The following SPSB4 variants were observed in gnomAD, a reference collection of about 807,000 sequenced individuals.
SPSB4 encodes the protein SPRY domain-containing SOCS box protein 4.
SPSB4 carries 21 observed loss-of-function variants against 20.9 expected under a neutral mutation model. The observed-to-expected ratio is 1.01, with a 90% CI of 0.71 to 1.45. The LOEUF is 1.45. Ranked by LOEUF, SPSB4 falls within the 40% of genes most tolerant of loss-of-function variation. The pLI is 0.00. For synonymous variants in SPSB4, 207 were observed against 183.8 expected, an observed-to-expected ratio of 1.13 and a Z score of -1.02; for missense variants, 399 against 399.2, an observed-to-expected ratio of 1.00 and a Z score of 0.00.
chr3:141,067,448 G>A (rs1937909224), intron 2 of SPSB4, among the ~76,000 whole-genome samples: 1 of 152,162 alleles, frequency 6.6e-6, no homozygotes, highest in Admixed American at 6.5e-5. Flanking sequence ...AGAGAGCCCA[G>A]AAATCTAGCT....
intron 2 of SPSB4, among the ~76,000 whole-genome samples, chr3:141,126,006 T>G (rs1939044457): frequency 6.6e-6 from 1 of 152,086 alleles, no homozygotes. Flanking sequence ...GCAGACAGGT[T>G]TGAAAGACCT....
chr3:141,104,841 C>T (rs141986039), intron 2 of SPSB4, among the ~76,000 whole-genome samples: 3 of 152,300 alleles, frequency 2.0e-5, no homozygotes, highest in East Asian at 1.9e-4. Flanking sequence ...ACAGAATTTG[C>T]GCCGTTAGAG....
chr3:141,125,233 A>T (rs958266828), intron 2 of SPSB4, among the ~76,000 whole-genome samples: 4 of 152,150 alleles, frequency 2.6e-5, no homozygotes, highest in African/African-American at 9.7e-5. Flanking sequence ...CACAGGTATG[A>T]CTTTGGTTGT....
rs1937702716 is a variant in SPSB4 at position 141,058,609 on chromosome 3, T to G, written c.-154+6617T>G. Among the ~76,000 whole-genome samples, 3 of 152,242 alleles carry G rather than the reference T, an allele frequency of 2.0e-5. No individual in the cohort carries two copies. The South Asian group carries it at 6.2e-4, about 32-fold the overall frequency. On this transcript the variant is annotated intron_variant, in intron 1 of 2. Transcript: ENST00000310546. ...AGTGGAGATGAGGAGAGGAGAAATG[T>G]GCTAAGTGCCCACTCCCTCTGGCTG...
chr3:141,077,202 AATG>A (rs1206653317), intron 2 of SPSB4: 4 of 152,252 alleles, frequency 2.6e-5, no homozygotes, highest in Middle Eastern at 3.4e-3. Flanking sequence ...GTGCCTCCTT[AATG>A]AGTTATTTGC....
At chr3:141,053,539 T>G (rs1279303643) in intron 1 of SPSB4, among the ~76,000 whole-genome samples, 1 of 152,162 alleles carries the variant, frequency 6.6e-6, no homozygotes, top group Non-Finnish European at 1.5e-5. Context: ...TATGACAAAC[T>G]GTCACATATG....
At chr3:141,120,918 G>T (rs990142314) in intron 2 of SPSB4, among the ~76,000 whole-genome samples, 1 of 152,044 alleles carries the variant, frequency 6.6e-6, no homozygotes, top group Non-Finnish European at 1.5e-5. Flanking sequence ...TACATTTAAG[G>T]TTAGTATTGT....
intron 2 of SPSB4, among the ~76,000 whole-genome samples, chr3:141,110,978 T>C (rs1938787767): frequency 6.6e-6 from 1 of 152,212 alleles, no homozygotes; most frequent in South Asian, 2.1e-4. Context: ...AACCTGTGCA[T>C]GTAACAAAGT....
Position 141,066,796 on chromosome 3 carries a change from A to AC in SPSB4, c.694dup (p.Glu233ArgfsTer46), listed in dbSNP as rs1190744040. 4 of 1,537,986 alleles carry AC rather than the reference A, an allele frequency of 2.6e-6. No individual in the cohort carries two copies. In the South Asian group the frequency reaches 5.1e-5, roughly 19 times the overall value. On this transcript the variant is annotated frameshift_variant and splice_region_variant, in exon 2 of 3. Transcript: ENST00000310546. LOFTEE classifies it high-confidence loss of function. ...ACCATGCGCTACATCAACGGCCTTG[A>AC]CCGTAAGTTGTGCTGGGCTGGGGGG...
intron 2 of SPSB4, among the ~76,000 whole-genome samples, chr3:141,130,789 A>G (rs1939118769): frequency 6.6e-6 from 1 of 152,178 alleles, no homozygotes; most frequent in African/African-American, 2.4e-5. Context: ...TCCCCATTTT[A>G]TTGATAGCTA....
chr3:141,097,513 C>T (rs959126950), intron 2 of SPSB4, among the ~76,000 whole-genome samples: 1 of 152,190 alleles, frequency 6.6e-6, no homozygotes, highest in African/African-American at 2.4e-5. Flanking sequence ...CCGCCTCAGC[C>T]TCCTGAAGTG....
In SPSB4 at chr3:141,066,561, G is replaced by T. The variant is rs200609679; in HGVS notation, c.457G>T (p.Gly153Cys). Residue 153 changes from glycine to cysteine, a missense_variant, in exon 2 of 3, where the codon GGC becomes TGC. Coordinates refer to ENST00000310546, the MANE Select transcript of SPSB4 (RefSeq NM_080862.3). ...DLGRSRLYHD[G>C]KNQPGVAYPA... is the part of the protein sequence containing the mutation. Reference sequence around the variant, plus strand: ...GGGCCGCAGCCGCCTCTACCACGACGGCAAGAACCAGCCCGGCGTGGCCTA... The same window carrying T: ...GGGCCGCAGCCGCCTCTACCACGACTGCAAGAACCAGCCCGGCGTGGCCTA... The T allele has an allele frequency of 2.0e-6, 3 of 1,536,838 alleles. No individual in the cohort carries two copies. The highest frequency in any genetic ancestry group is 1.3e-5 in the South Asian group (1 of 79,724).
chr3:141,146,130 G>A (rs1939408816), intron 2 of SPSB4, among the ~76,000 whole-genome samples: 1 of 150,580 alleles, frequency 6.6e-6, no homozygotes, highest in African/African-American at 2.5e-5. Flanking sequence ...TGCTAGCTTA[G>A]TTATCCCTGT....
intron 1 of SPSB4, among the ~76,000 whole-genome samples, chr3:141,055,367 C>T (rs560236075): frequency 3.9e-5 from 6 of 152,084 alleles, no homozygotes; most frequent in African/African-American, 9.6e-5. Flanking sequence ...GATGTGCTGA[C>T]GAGGAGAGTC....
intron 2 of SPSB4, among the ~76,000 whole-genome samples, chr3:141,106,902 A>G (rs140496874): frequency 1.3e-5 from 2 of 152,250 alleles, no homozygotes; most frequent in African/African-American, 4.8e-5. Context: ...CTACATACAC[A>G]TTCTAGAGGC....
In SPSB4 at chr3:141,107,788, C is replaced by T. The variant is rs571863948; in HGVS notation, c.695-39354C>T. Among the ~76,000 whole-genome samples, 24 of 152,138 alleles carry T rather than the reference C, an allele frequency of 1.6e-4. No individual in the cohort carries two copies. In the South Asian group the frequency reaches 3.7e-3, roughly 24 times the overall value. ...CCTGGGCAACATGGTGAACTTTTCTCTACTAAAAGTACAAAAATTAGCCAG... is the reference window on the plus strand; with the variant it reads ...CCTGGGCAACATGGTGAACTTTTCTTTACTAAAAGTACAAAAATTAGCCAG... On this transcript the variant is annotated intron_variant, in intron 2 of 2. Transcript: ENST00000310546.
At chr3:141,069,939 C>T (rs1937964650) in intron 2 of SPSB4, among the ~76,000 whole-genome samples, 1 of 152,208 alleles carries the variant, frequency 6.6e-6, no homozygotes, top group Non-Finnish European at 1.5e-5. Context: ...TTAGAAAGGG[C>T]TCACTACGTT....
At chr3:141,097,219 T>A (rs530029387) in intron 2 of SPSB4, among the ~76,000 whole-genome samples, 321 of 152,332 alleles carry the variant, frequency 2.1e-3, no homozygotes, top group African/African-American at 7.5e-3. Context: ...GCCAGGGCCT[T>A]TGTTGGCCCT....
chr3:141,097,547 C>T (rs535986434), intron 2 of SPSB4, among the ~76,000 whole-genome samples: 36 of 152,238 alleles, frequency 2.4e-4, no homozygotes, highest in Non-Finnish European at 4.3e-4. Flanking sequence ...CATGAGCCAC[C>T]GTGCTTAGCC....
Sources: allele counts gnomAD v4.1 joint callset (sites outside exome capture counted in the v4.1 genomes callset), GRCh38; gene constraint gnomAD v4.1.1; transcripts MANE v1.5; gene names NCBI Gene and HGNC (gene_info 2026-07-23, HGNC 2026-07-21).